NUBP1: variants seen among roughly 807,000 people sequenced by gnomAD.
NUBP1 encodes the protein NUBP iron-sulfur cluster assembly factor 1, cytosolic.
Under a neutral mutation model 41.8 loss-of-function variants are expected in NUBP1, and 46 were observed. That is an observed-to-expected ratio of 1.10 (90% CI 0.87 to 1.41). The LOEUF is 1.41. Ranked by LOEUF, NUBP1 falls within the 40% of genes most tolerant of loss-of-function variation. The pLI is 0.00. For synonymous variants in NUBP1, 189 were observed against 154.6 expected (o/e 1.22, Z -1.65); for missense variants, 494 against 414.0 (o/e 1.19, Z -1.68).
In NUBP1 at chr16:10,765,793, T is replaced by C. The variant is rs924498670; in HGVS notation, c.821-2156T>C. On this transcript the variant is annotated intron_variant, in intron 9 of 10. Coordinates refer to ENST00000283027, the MANE Select transcript of NUBP1 (RefSeq NM_002484.4). This position sits in a 1 kb window ranked among gnomAD's most constrained non-coding sequence, Gnocchi z 4.0. ...AATTTCAAAGCAGAGGAGCCACCAG[T>C]GACAGCTGCGAGGCTCATTCTGAGC... Among the ~76,000 whole-genome samples, 7 of 152,210 alleles carry C rather than the reference T, an allele frequency of 4.6e-5. No homozygotes were observed. The highest frequency in any genetic ancestry group is 1.0e-4 in the Non-Finnish European group (7 of 68,044).
In NUBP1 at chr16:10,749,886, G is replaced by A. The variant is rs926163698; in HGVS notation, c.258+2610G>A. Reference sequence around the variant, plus strand: ...TGACGAGTCACAGGCTGCCCAGGGAGTGTGTAAGTTGTGGTGAAGGCAGAA... The same window carrying A: ...TGACGAGTCACAGGCTGCCCAGGGAATGTGTAAGTTGTGGTGAAGGCAGAA... On this transcript the variant is annotated intron_variant, in intron 3 of 10. Coordinates refer to ENST00000283027, the MANE Select transcript of NUBP1 (RefSeq NM_002484.4). The surrounding 1 kb of genome is among the most constrained non-coding windows in gnomAD (Gnocchi z 4.1). Among the ~76,000 whole-genome samples the A allele has an allele frequency of 2.6e-5, 4 of 152,204 alleles. No individual in the cohort carries two copies. The highest frequency in any genetic ancestry group is 3.2e-3 in the Middle Eastern group (1 of 316).
At chr16:10,762,534 G>A (rs572934284) in intron 9 of NUBP1, among the ~76,000 whole-genome samples, 1 of 152,318 alleles carries the variant, frequency 6.6e-6, no homozygotes, top group East Asian at 1.9e-4. Context: ...GGAGGCTGCT[G>A]TCCCCCAGGA....
At position 10,749,427 on chromosome 16, in the gene NUBP1, CTTT is replaced by C. The variant is rs1470019151; in HGVS notation, c.258+2152_258+2154del. 6.6e-6 allele frequency among the ~76,000 whole-genome samples: 1 copy of C among 152,134 alleles called. No homozygotes were observed. Among genetic ancestry groups the C allele is most frequent in the African/African-American group, 2.4e-5 (1 of 41,436 alleles). On this transcript the variant is annotated intron_variant, in intron 3 of 10. Transcript: ENST00000283027. This position sits in a 1 kb window ranked among gnomAD's most constrained non-coding sequence, Gnocchi z 4.1. The stretch of plus-strand genomic sequence containing the variant: ...CTTTCATGTAATTACGTTCTGAAGT[CTTT>C]GCTGCATGCCTGTCTAGACTTTGCA...
At chr16:10,746,238 A>G (rs561541839) in intron 2 of NUBP1, among the ~76,000 whole-genome samples, 5 of 152,278 alleles carry the variant, frequency 3.3e-5, no homozygotes, top group Admixed American at 2.0e-4. Context: ...TACCTCGTGT[A>G]TTGTTTTAAG....
chr16:10,747,215 T>C lies in NUBP1; in HGVS notation c.197T>C (p.Val66Ala), dbSNP rs952576572. The C allele has an allele frequency of 1.5e-5, 25 of 1,614,094 alleles. No homozygotes were observed. In the East Asian group the frequency reaches 3.3e-4, roughly 22 times the overall value. Residue 66 changes from valine to alanine, a missense_variant, in exon 3 of 11, where the codon GTT (valine) becomes GCT (alanine). Physicochemically the swap from Val to Ala is moderately conservative, Grantham distance 64. Coordinates refer to ENST00000283027, the MANE Select transcript of NUBP1 (RefSeq NM_002484.4). ...KILVLSGKGG[V>A]GKSTFSAHLA... ...TTGGTATTGTCTGGGAAAGGCGGTGTTGGGAAAAGCACATTCAGCGCCCAC... is the reference window on the plus strand; with the variant it reads ...TTGGTATTGTCTGGGAAAGGCGGTGCTGGGAAAAGCACATTCAGCGCCCAC...
At position 10,767,470 on chromosome 16, in the gene NUBP1, G is replaced by C; in HGVS notation, c.821-479G>C. 7.6e-6 allele frequency: 3 copies of C among 394,074 alleles called. No homozygotes were observed. The highest frequency in any genetic ancestry group is 1.3e-5 in the Non-Finnish European group (3 of 224,374). The allele number at this position is 394,074 out of a possible 1,614,324, so 24.4% of individuals were successfully genotyped here. A position where few individuals can be genotyped will look rare whatever the true frequency, so the allele number is the denominator to read the frequency against. On this transcript the variant is annotated intron_variant, in intron 9 of 10. Coordinates refer to ENST00000283027, the MANE Select transcript of NUBP1 (RefSeq NM_002484.4). The surrounding 1 kb of genome is among the most constrained non-coding windows in gnomAD (Gnocchi z 4.6). ...ATTCGTATTTTAGGTATATGAGAGT[G>C]TGTGTATGTGTGTGCGCACACATGC...
rs1802953 is a variant in NUBP1, at chr16:10,769,283, C to G, written c.*178C>G. ...AATCATTGAGTATTTGTACACTTTT[C>G]TTTAGAACATATATAAAGGGCATTC... On this transcript the variant is annotated 3_prime_UTR_variant, in exon 11 of 11. Coordinates refer to ENST00000283027, the MANE Select transcript of NUBP1 (RefSeq NM_002484.4). 5 of 580,808 alleles carry G rather than the reference C, an allele frequency of 8.6e-6. No individual in the cohort carries two copies. Among genetic ancestry groups the G allele is most frequent in the Non-Finnish European group, 1.5e-5 (5 of 326,470 alleles). The allele number at this position is 580,808 out of a possible 1,614,324, so 36.0% of individuals were successfully genotyped here.
At position 10,747,210 on chromosome 16, in the gene NUBP1, C is replaced by T. The variant is rs1900103879; in HGVS notation, c.192C>T (p.Gly64=). The T allele has an allele frequency of 4.3e-6, 7 of 1,613,976 alleles. No homozygotes were observed. The highest frequency in any genetic ancestry group is 4.5e-5 in the East Asian group (2 of 44,896). The change falls in exon 3 of 11, where the codon GGC becomes GGT. Residue 64 remains glycine (G), a synonymous_variant. Transcript: ENST00000283027. ...KHKILVLSGK[G]GVGKSTFSAH... Reference sequence around the variant, plus strand: ...AAATCTTGGTATTGTCTGGGAAAGGCGGTGTTGGGAAAAGCACATTCAGCG... The same window carrying T: ...AAATCTTGGTATTGTCTGGGAAAGGTGGTGTTGGGAAAAGCACATTCAGCG...
At chr16:10,762,923 G>A (rs891694989) in intron 9 of NUBP1, among the ~76,000 whole-genome samples, 10 of 152,162 alleles carry the variant, frequency 6.6e-5, no homozygotes, top group Non-Finnish European at 1.0e-4. Context: ...TGTGGGAAAC[G>A]ACTGTCAGTG....
At chr16:10,764,251 G>A (rs1596473224) in intron 9 of NUBP1, among the ~76,000 whole-genome samples, 3 of 152,396 alleles carry the variant, frequency 2.0e-5, no homozygotes, top group Admixed American at 2.0e-4. Context: ...TTAGCCTGCT[G>A]GAGCACCTCA....
At position 10,755,705 on chromosome 16, in the gene NUBP1, G is replaced by A. The variant is rs754098480; in HGVS notation, c.328-16G>A. ...ATGATTTCTACTAATGAACATCGGT[G>A]CTCATGTTCACACAGGTTCACCAGA... On this transcript the variant is annotated splice_polypyrimidine_tract_variant and intron_variant, in intron 4 of 10. Coordinates refer to ENST00000283027, the MANE Select transcript of NUBP1 (RefSeq NM_002484.4). 54 of 1,613,206 alleles carry A rather than the reference G, an allele frequency of 3.3e-5. No homozygotes were observed. In the Middle Eastern group the frequency reaches 6.6e-4, roughly 20 times the overall value.
intron 4 of NUBP1, among the ~76,000 whole-genome samples, chr16:10,754,643 G>C (rs550045315): frequency 6.6e-6 from 1 of 152,224 alleles, no homozygotes. Flanking sequence ...CACAGTGAGA[G>C]AAAGTGGATT....
chr16:10,752,169 G>A (rs1900347847), intron 3 of NUBP1, among the ~76,000 whole-genome samples: 1 of 152,260 alleles, frequency 6.6e-6, no homozygotes, highest in Admixed American at 6.5e-5. Context: ...AAAAATTTAA[G>A]ATGCAGAGAC....
chr16:10,749,032 G>A lies in NUBP1; in HGVS notation c.258+1756G>A, dbSNP rs535083541. 6.6e-6 allele frequency among the ~76,000 whole-genome samples: 1 copy of A among 151,540 alleles called. No individual in the cohort carries two copies. Among genetic ancestry groups the A allele is most frequent in the Non-Finnish European group, 1.5e-5 (1 of 67,932 alleles). On this transcript the variant is annotated intron_variant, in intron 3 of 10. Transcript: ENST00000283027. This position sits in a 1 kb window ranked among gnomAD's most constrained non-coding sequence, Gnocchi z 4.1. ...TTTGAACCCAGGAGGCGGAGGTCGC[G>A]GTGGGCCAAGATTGCCCTACTGCAC...
chr16:10,762,536 C>G (rs934338736), intron 9 of NUBP1, among the ~76,000 whole-genome samples: 6 of 152,230 alleles, frequency 3.9e-5, no homozygotes, highest in Non-Finnish European at 8.8e-5. Context: ...AGGCTGCTGT[C>G]CCCCAGGACC....
chr16:10,767,953 G>A lies in NUBP1; in HGVS notation c.825G>A (p.Lys275=). ...GRVPLDPLIG[K]NCDKGQSFFI... ...TCCGTTTGTTTCTTTTTTAAGGTAA[G>A]AATTGTGACAAAGGCCAGTCTTTTT... is the stretch of plus-strand genomic sequence containing the variant. Residue 275 remains lysine (K), a synonymous_variant, in exon 10 of 11, where the codon AAG becomes AAA. Coordinates refer to ENST00000283027, the MANE Select transcript of NUBP1 (RefSeq NM_002484.4). The surrounding 1 kb of genome is among the most constrained non-coding windows in gnomAD (Gnocchi z 4.6). 1 of 1,614,098 alleles carries A rather than the reference G, an allele frequency of 6.2e-7. No individual in the cohort carries two copies. The highest frequency in any genetic ancestry group is 8.5e-7 in the Non-Finnish European group (1 of 1,179,994).
Position 10,758,599 on chromosome 16 carries a change from T to C in NUBP1, c.606+572T>C, listed in dbSNP as rs997523651. On this transcript the variant is annotated intron_variant, in intron 7 of 10. Coordinates refer to ENST00000283027, the MANE Select transcript of NUBP1 (RefSeq NM_002484.4). ...TGGGTCAAGAATGCTTTTTGAACTT[T>C]CCTTGAGGAAACTAGGGAAACCACC... is the stretch of plus-strand genomic sequence containing the variant. Among the ~76,000 whole-genome samples, 6 of 152,232 alleles carry C rather than the reference T, an allele frequency of 3.9e-5. No homozygotes were observed. The East Asian group carries it at 9.6e-4, about 24-fold the overall frequency.
chr16:10,754,497 C>G (rs892335448), intron 4 of NUBP1, among the ~76,000 whole-genome samples: 3 of 151,940 alleles, frequency 2.0e-5, no homozygotes, highest in African/African-American at 7.3e-5. Flanking sequence ...CCCGCCTCAG[C>G]CTCCCGCAGT....
chr16:10,745,820 A>G (rs1407820532), intron 2 of NUBP1, among the ~76,000 whole-genome samples: 1 of 152,262 alleles, frequency 6.6e-6, no homozygotes, highest in Non-Finnish European at 1.5e-5. Context: ...TAGGAGAGGA[A>G]GGACTATCTC....
Sources: gnomAD v4.1 joint callset for allele counts (sites outside exome capture counted in the v4.1 genomes callset) on GRCh38, gnomAD v4.1.1 for gene constraint, Gnocchi (gnomAD v3.1) non-coding constraint, MANE v1.5 for transcripts, NCBI Gene and HGNC (gene_info 2026-07-23, HGNC 2026-07-21) for gene names.